DLG2: variants seen among roughly 807,000 people sequenced by gnomAD.
DLG2 encodes the protein discs large MAGUK scaffold protein 2, also known as disks large homolog 2.
Under a neutral mutation model 132.5 loss-of-function variants are expected in DLG2, and 45 were observed. That is an observed-to-expected ratio of 0.34 (90% CI 0.27 to 0.44). The LOEUF is 0.44. Ranked by LOEUF, DLG2 falls within the 20% of genes least tolerant of loss-of-function variation. The pLI is 1.00. For synonymous variants in DLG2, 424 were observed against 419.6 expected (o/e 1.01, Z -0.13); for missense variants, 1,045 against 1,196.9 (o/e 0.87, Z 1.87).
chr11:85,460,537 G>T (rs1485702289), intron 3 of DLG2, among the ~76,000 whole-genome samples: 2 of 152,154 alleles, frequency 1.3e-5, no homozygotes, highest in East Asian at 3.9e-4. Flanking sequence ...ATTCTCCATG[G>T]GTCAAGTTGT....
At chr11:84,340,285 T>C (rs2098508541) in intron 7 of DLG2, among the ~76,000 whole-genome samples, 2 of 152,208 alleles carry the variant, frequency 1.3e-5, no homozygotes, top group African/African-American at 2.4e-5. Context: ...AGTCTTTTAC[T>C]GGACAGACAC....
In DLG2 at chr11:84,575,020, G is replaced by A. The variant is rs563729753; in HGVS notation, c.358-40289C>T. 4.6e-5 allele frequency among the ~76,000 whole-genome samples: 7 copies of A among 152,108 alleles called. No individual in the cohort carries two copies. The East Asian group carries it at 9.7e-4, about 21-fold the overall frequency. On this transcript the variant is annotated intron_variant, in intron 6 of 27. Coordinates refer to ENST00000376104, the MANE Select transcript of DLG2 (RefSeq NM_001142699.3). ...TAAAACTTCCCTGGCTAGAAGCATC[G>A]TCAGCTCTCTGCTAATGTACTGATA...
At chr11:84,464,006 A>G (rs10792758) in intron 7 of DLG2, among the ~76,000 whole-genome samples, 36,569 of 151,136 alleles carry the variant, frequency 0.24, 4,644 homozygotes, top group South Asian at 0.37. Flanking sequence ...AGCAACATAC[A>G]TCAAATATGC....
At chr11:83,913,783 T>C (rs2076467774) in intron 15 of DLG2, among the ~76,000 whole-genome samples, 2 of 152,120 alleles carry the variant, frequency 1.3e-5, no homozygotes, top group South Asian at 4.1e-4. Flanking sequence ...GAGACTTTTG[T>C]TTTTTCTGTG....
At chr11:84,902,959 C>T (rs200728067) in intron 6 of DLG2, among the ~76,000 whole-genome samples, 1 of 151,818 alleles carries the variant, frequency 6.6e-6, no homozygotes, top group Non-Finnish European at 1.5e-5. Flanking sequence ...TTCTTTCTTC[C>T]TTTCCCAAGT....
At chr11:85,083,435 TA>T (rs1220095698) in intron 6 of DLG2, among the ~76,000 whole-genome samples, 1 of 152,166 alleles carries the variant, frequency 6.6e-6, no homozygotes, top group African/African-American at 2.4e-5. Flanking sequence ...TCAATCGATT[TA>T]AAAGTTTATT....
chr11:84,188,669 C>A (rs1217937187), intron 8 of DLG2, among the ~76,000 whole-genome samples: 1 of 152,038 alleles, frequency 6.6e-6, no homozygotes, highest in Non-Finnish European at 1.5e-5. Flanking sequence ...AATTGCAAAC[C>A]CAAAGCCACA....
intron 18 of DLG2, among the ~76,000 whole-genome samples, chr11:83,657,759 C>A (rs2073069149): frequency 6.6e-6 from 1 of 152,042 alleles, no homozygotes; most frequent in Non-Finnish European, 1.5e-5. Context: ...CCAGGATGGT[C>A]TCAATCTCCT....
intron 9 of DLG2, among the ~76,000 whole-genome samples, chr11:84,141,211 A>C (rs1453318782): frequency 6.6e-6 from 1 of 151,970 alleles, no homozygotes; most frequent in Non-Finnish European, 1.5e-5. Flanking sequence ...TTTCCTATCT[A>C]TCTATCTACC....
intron 6 of DLG2, among the ~76,000 whole-genome samples, chr11:84,866,011 A>C (rs1322560637): frequency 6.6e-6 from 1 of 152,256 alleles, no homozygotes; most frequent in Non-Finnish European, 1.5e-5. Context: ...TATGCTAAGC[A>C]GTGATTATCA....
intron 3 of DLG2, among the ~76,000 whole-genome samples, chr11:85,543,764 T>G (rs755037827): frequency 5.9e-5 from 9 of 152,258 alleles, no homozygotes; most frequent in Non-Finnish European, 1.3e-4. Context: ...CTCATATGTT[T>G]GTCGTCTGCA....
intron 6 of DLG2, among the ~76,000 whole-genome samples, chr11:85,103,798 A>C (rs2071260549): frequency 6.6e-6 from 1 of 151,960 alleles, no homozygotes; most frequent in African/African-American, 2.4e-5. Flanking sequence ...ACAGAACAGG[A>C]GAAAATATCT....
intron 9 of DLG2, among the ~76,000 whole-genome samples, chr11:84,114,566 T>G (rs1242992462): frequency 6.6e-6 from 1 of 152,188 alleles, no homozygotes; most frequent in Non-Finnish European, 1.5e-5. Context: ...CCTCAGAACA[T>G]GCTATAAGGA....
chr11:84,346,767 G>A (rs924824828), intron 7 of DLG2, among the ~76,000 whole-genome samples: 8 of 151,990 alleles, frequency 5.3e-5, no homozygotes, highest in South Asian at 2.1e-4. Context: ...TAGCAGAGGC[G>A]GGGTTTCACC....
intron 6 of DLG2, among the ~76,000 whole-genome samples, chr11:84,854,855 T>A (rs2082580995): frequency 1.3e-5 from 2 of 152,044 alleles, no homozygotes; most frequent in African/African-American, 4.8e-5. Flanking sequence ...ACTGTGACAC[T>A]CATCACATAT....
chr11:84,862,583 A>G (rs2083885080), intron 6 of DLG2, among the ~76,000 whole-genome samples: 2 of 152,170 alleles, frequency 1.3e-5, no homozygotes, highest in South Asian at 2.1e-4. Flanking sequence ...ATGACCATCA[A>G]TGATAGACTG....
At chr11:84,461,513 C>T (rs560072907) in intron 7 of DLG2, among the ~76,000 whole-genome samples, 1 of 150,666 alleles carries the variant, frequency 6.6e-6, no homozygotes, top group South Asian at 2.1e-4. Context: ...AATAAATGAC[C>T]AGAAATAGGG....
intron 18 of DLG2, chr11:83,647,844 A>G (rs1416495158): frequency 2.0e-5 from 3 of 152,164 alleles, no homozygotes; most frequent in Non-Finnish European, 4.4e-5. Flanking sequence ...ATTTAATTCT[A>G]TTTAATCTGG....
rs375073412 is a variant in DLG2 at position 85,551,510 on chromosome 11, T to C, written c.40+47147A>G. Among the ~76,000 whole-genome samples the C allele has an allele frequency of 1.2e-3, 180 of 152,204 alleles. 3 individuals carry two copies. In the South Asian group the frequency reaches 0.017, roughly 14 times the overall value. The stretch of plus-strand genomic sequence containing the variant: ...ATAAATACATACTAACAAAATTAGA[T>C]CTAAACTATTATGCATATAACTCCT... On this transcript the variant is annotated intron_variant, in intron 3 of 27. Coordinates refer to ENST00000376104, the MANE Select transcript of DLG2 (RefSeq NM_001142699.3).
Sources: allele counts gnomAD v4.1 joint callset (sites outside exome capture counted in the v4.1 genomes callset), GRCh38; gene constraint gnomAD v4.1.1; transcripts MANE v1.5; gene names NCBI Gene and HGNC (gene_info 2026-07-23, HGNC 2026-07-21).